The following GALNTL6 variants were observed in gnomAD, a reference collection of about 807,000 sequenced individuals.
GALNTL6 encodes the protein polypeptide N-acetylgalactosaminyltransferase like 6, also known as polypeptide N-acetylgalactosaminyltransferase-like 6.
A neutral mutation model predicts 73.7 loss-of-function variants in GALNTL6; 46 were observed. That is an observed-to-expected ratio of 0.62 (90% CI 0.49 to 0.80). GALNTL6 has a LOEUF of 0.80. Among genes scored for constraint, GALNTL6 ranks in the 30% least tolerant of loss-of-function variants. The pLI is 0.00. For missense variants in GALNTL6, 604 were observed against 755.0 expected (o/e 0.80, Z 2.34); for synonymous variants, 259 against 263.7 (o/e 0.98, Z 0.17).
At chr4:171,930,640 G>T (rs914117496) in intron 2 of GALNTL6, among the ~76,000 whole-genome samples, 4 of 152,030 alleles carry the variant, frequency 2.6e-5, no homozygotes, top group African/African-American at 9.7e-5. Flanking sequence ...TTCAAGACCA[G>T]CCTGGCAAAC....
intron 5 of GALNTL6, among the ~76,000 whole-genome samples, chr4:172,791,060 G>C (rs118015330): frequency 1.3e-5 from 2 of 152,202 alleles, no homozygotes; most frequent in African/African-American, 4.8e-5. Context: ...ATGCTGGATA[G>C]AGATGGAACA....
intron 2 of GALNTL6, among the ~76,000 whole-genome samples, chr4:172,177,753 A>G (rs1001227930): frequency 1.3e-4 from 18 of 137,966 alleles, no homozygotes; most frequent in African/African-American, 2.5e-4. Flanking sequence ...GTGTATATAT[A>G]TGTGTGTATA....
intron 5 of GALNTL6, among the ~76,000 whole-genome samples, chr4:172,699,406 A>C (rs1366006556): frequency 6.6e-6 from 1 of 152,238 alleles, no homozygotes; most frequent in African/African-American, 2.4e-5. Flanking sequence ...AATATATCAC[A>C]AACACATGTA....
intron 3 of GALNTL6, among the ~76,000 whole-genome samples, chr4:172,256,704 T>G (rs1426662665): frequency 6.6e-6 from 1 of 151,466 alleles, no homozygotes; most frequent in African/African-American, 2.4e-5. Context: ...CTGTCCTATC[T>G]TGTTATCCAG....
rs188879354 is a variant in GALNTL6 at position 172,128,805 on chromosome 4, G to A, written c.139-100851G>A. 2.1e-3 allele frequency among the ~76,000 whole-genome samples: 319 copies of A among 152,246 alleles called. 1 individual carries two copies. Among genetic ancestry groups the A allele is most frequent in the Non-Finnish European group, 3.4e-3 (233 of 68,008 alleles). On this transcript the variant is annotated intron_variant, in intron 2 of 12. Coordinates refer to ENST00000506823, the MANE Select transcript of GALNTL6 (RefSeq NM_001034845.3). Reference sequence around the variant, plus strand: ...GTCTGGTTGTTTGACTAGTGTCAATGCAGGGCAGGATGCTTTTAAGAAAAA... The same window carrying A: ...GTCTGGTTGTTTGACTAGTGTCAATACAGGGCAGGATGCTTTTAAGAAAAA...
At chr4:171,905,756 C>G (rs2110951778) in intron 2 of GALNTL6, among the ~76,000 whole-genome samples, 1 of 151,504 alleles carries the variant, frequency 6.6e-6, no homozygotes, top group East Asian at 1.9e-4. Flanking sequence ...AAGCTCTCCT[C>G]AGCAAATATA....
chr4:172,289,336 C>G (rs180761473), intron 3 of GALNTL6, among the ~76,000 whole-genome samples: 4 of 152,170 alleles, frequency 2.6e-5, no homozygotes, highest in African/African-American at 9.7e-5. Flanking sequence ...TAACTACAGT[C>G]CAAGTGACCT....
intron 5 of GALNTL6, among the ~76,000 whole-genome samples, chr4:172,429,209 T>TTTTATTTTATTTTA (rs1491244944): frequency 6.7e-6 from 1 of 148,986 alleles, no homozygotes; most frequent in African/African-American, 2.5e-5. Flanking sequence ...TTTTATTTTA[T>TTTTATTTTATTTTA]TTTATTTTAT....
At chr4:172,557,105 G>A (rs894309893) in intron 5 of GALNTL6, among the ~76,000 whole-genome samples, 7 of 152,102 alleles carry the variant, frequency 4.6e-5, no homozygotes, top group Non-Finnish European at 5.9e-5. Flanking sequence ...TAACCCTTTC[G>A]TTGCATTTTC....
At chr4:172,008,649 G>A (rs763955734) in intron 2 of GALNTL6, among the ~76,000 whole-genome samples, 7 of 152,028 alleles carry the variant, frequency 4.6e-5, no homozygotes, top group African/African-American at 1.4e-4. Context: ...CCTCAAAACC[G>A]TTTTGTTTCC....
intron 2 of GALNTL6, among the ~76,000 whole-genome samples, chr4:171,853,155 G>A (rs1039944053): frequency 4.0e-5 from 6 of 151,452 alleles, no homozygotes; most frequent in Admixed American, 6.6e-5. Context: ...GAGCCACCGC[G>A]CCCAGCCAGA....
intron 5 of GALNTL6, among the ~76,000 whole-genome samples, chr4:172,425,619 A>G (rs1169331216): frequency 6.6e-6 from 1 of 152,080 alleles, no homozygotes; most frequent in Non-Finnish European, 1.5e-5. Context: ...TCTCATAATA[A>G]GAGCAAATAG....
intron 9 of GALNTL6, among the ~76,000 whole-genome samples, chr4:172,940,654 C>G (rs1748869934): frequency 1.3e-5 from 2 of 151,768 alleles, no homozygotes; most frequent in Admixed American, 6.6e-5. Context: ...AGCCACCACA[C>G]CCGGCCAACA....
intron 12 of GALNTL6, among the ~76,000 whole-genome samples, chr4:173,030,457 G>A (rs1753409485): frequency 6.6e-6 from 1 of 152,090 alleles, no homozygotes; most frequent in South Asian, 2.1e-4. Flanking sequence ...GAAAGGCTCT[G>A]TTACAACTCT....
intron 10 of GALNTL6, among the ~76,000 whole-genome samples, chr4:172,993,778 C>T (rs945950638): frequency 6.6e-6 from 1 of 152,056 alleles, no homozygotes. Flanking sequence ...TTGGCTTTTC[C>T]GGGCATGGTG....
At position 172,303,717 on chromosome 4, in the gene GALNTL6, C is replaced by T. The variant is rs187573755; in HGVS notation, c.248-7897C>T. On this transcript the variant is annotated intron_variant, in intron 3 of 12. Transcript: ENST00000506823. Reference sequence around the variant, plus strand: ...AAATCTACTTATTTAACAAAACTCCCTAATACAATACCATTTTATTACCTT... The same window carrying T: ...AAATCTACTTATTTAACAAAACTCCTTAATACAATACCATTTTATTACCTT... Among the ~76,000 whole-genome samples the T allele has an allele frequency of 7.9e-4, 121 of 152,242 alleles. 2 individuals are homozygous for T. In the South Asian group the frequency reaches 0.016, roughly 20 times the overall value.
At chr4:172,047,804 T>C (rs1281493826) in intron 2 of GALNTL6, among the ~76,000 whole-genome samples, 1 of 152,130 alleles carries the variant, frequency 6.6e-6, no homozygotes, top group Admixed American at 6.6e-5. Context: ...AAAAAAGTTT[T>C]CTACAGTCAT....
intron 2 of GALNTL6, among the ~76,000 whole-genome samples, chr4:172,124,957 A>G (rs1733255299): frequency 6.6e-6 from 1 of 152,188 alleles, no homozygotes; most frequent in African/African-American, 2.4e-5. Flanking sequence ...GCTTGAGGAA[A>G]ACTTTGCTTT....
intron 5 of GALNTL6, among the ~76,000 whole-genome samples, chr4:172,687,218 A>G (rs949438814): frequency 4.6e-5 from 7 of 152,158 alleles, no homozygotes; most frequent in Admixed American, 1.3e-4. Context: ...TATAATAATA[A>G]CAATAATATT....
Sources: allele counts gnomAD v4.1 joint callset (sites outside exome capture counted in the v4.1 genomes callset), GRCh38; gene constraint gnomAD v4.1.1; transcripts MANE v1.5; gene names NCBI Gene and HGNC (gene_info 2026-07-23, HGNC 2026-07-21).